The following ZBTB20 variants were observed in gnomAD, a reference collection of about 807,000 sequenced individuals.
ZBTB20 encodes the protein zinc finger and BTB domain-containing protein 20.
In ZBTB20, 9 loss-of-function variants were observed where a neutral mutation model predicts 56.9. The observed-to-expected ratio is 0.16, with a 90% CI of 0.10 to 0.28. The LOEUF is 0.28. Ranked by LOEUF, ZBTB20 falls within the 10% of genes least tolerant of loss-of-function variation. ZBTB20 has a pLI of 1.00. For synonymous variants in ZBTB20, 417 were observed against 420.7 expected, an observed-to-expected ratio of 0.99 and a Z score of 0.11; for missense variants, 655 against 1,003.0, an observed-to-expected ratio of 0.65 and a Z score of 4.69.
At chr3:114,697,438 A>G (rs1032265305) in intron 5 of ZBTB20, among the ~76,000 whole-genome samples, 1 of 152,068 alleles carries the variant, frequency 6.6e-6, no homozygotes, top group African/African-American at 2.4e-5. Flanking sequence ...ATTTTGCTGC[A>G]GCCTAGGGCA....
chr3:114,718,817 T>C (rs781039870), intron 5 of ZBTB20, among the ~76,000 whole-genome samples: 12 of 152,042 alleles, frequency 7.9e-5, no homozygotes, highest in Non-Finnish European at 2.9e-5. Context: ...AACCAAGGTT[T>C]TTCTTTTATC....
At chr3:115,015,142 T>C (rs2079893257) in intron 2 of ZBTB20, among the ~76,000 whole-genome samples, 1 of 151,792 alleles carries the variant, frequency 6.6e-6, no homozygotes, top group Admixed American at 6.6e-5. Context: ...ATCATTTTAA[T>C]GTAAGTTTGA....
chr3:114,388,924 T>C (rs2085482888), intron 8 of ZBTB20, 81 bp downstream of exon 8: 1 of 152,138 alleles, frequency 6.6e-6, no homozygotes, highest in South Asian at 2.1e-4. Context: ...TTTTGCCTGC[T>C]TTCACAATTT....
intron 7 of ZBTB20, among the ~76,000 whole-genome samples, chr3:114,407,659 C>G (rs2108747564): frequency 6.6e-6 from 1 of 152,246 alleles, no homozygotes; most frequent in South Asian, 2.1e-4. Context: ...TCTGGCCTGA[C>G]TAGACACTGG....
intron 6 of ZBTB20, among the ~76,000 whole-genome samples, chr3:114,666,479 C>G (rs1157319371): frequency 6.6e-6 from 1 of 151,990 alleles, no homozygotes; most frequent in African/African-American, 2.4e-5. Flanking sequence ...TGTATGCAGA[C>G]AGAAAGAAGT....
chr3:115,008,567 T>G (rs1412580413), intron 2 of ZBTB20, among the ~76,000 whole-genome samples: 1 of 151,920 alleles, frequency 6.6e-6, no homozygotes, highest in Non-Finnish European at 1.5e-5. Flanking sequence ...CTAAAAATTC[T>G]AAACATAATT....
chr3:114,471,273 C>G (rs1450352217), intron 7 of ZBTB20, among the ~76,000 whole-genome samples: 1 of 152,166 alleles, frequency 6.6e-6, no homozygotes, highest in African/African-American at 2.4e-5. Context: ...AATTTTTACA[C>G]TACTCCCATT....
intron 2 of ZBTB20, among the ~76,000 whole-genome samples, chr3:115,069,028 G>A (rs866721975): frequency 6.6e-6 from 1 of 152,058 alleles, no homozygotes; most frequent in Admixed American, 6.6e-5. Context: ...TTTCTACAAA[G>A]AGCACATGCT....
intron 6 of ZBTB20, among the ~76,000 whole-genome samples, chr3:114,587,655 A>G (rs2107532950): frequency 6.6e-6 from 1 of 152,350 alleles, no homozygotes; most frequent in East Asian, 1.9e-4. Context: ...TTCACACCAT[A>G]AATATGTAAG....
chr3:114,550,529 G>A (rs1214347026), intron 6 of ZBTB20, among the ~76,000 whole-genome samples: 1 of 152,174 alleles, frequency 6.6e-6, no homozygotes, highest in African/African-American at 2.4e-5. Context: ...CACTTATGAA[G>A]GAAGCCTTGA....
At chr3:115,040,011 G>A (rs2081078555) in intron 2 of ZBTB20, among the ~76,000 whole-genome samples, 1 of 152,046 alleles carries the variant, frequency 6.6e-6, no homozygotes, top group Non-Finnish European at 1.5e-5. Flanking sequence ...TGATAGATAT[G>A]TTAAGTAGCT....
At chr3:114,916,149 G>A (rs1204448297) in intron 3 of ZBTB20, among the ~76,000 whole-genome samples, 1 of 152,076 alleles carries the variant, frequency 6.6e-6, no homozygotes, top group Non-Finnish European at 1.5e-5. Flanking sequence ...AAAGTGGGAT[G>A]TTGATGTCTT....
chr3:115,130,251 T>C (rs1237298123), intron 1 of ZBTB20, among the ~76,000 whole-genome samples: 1 of 152,230 alleles, frequency 6.6e-6, no homozygotes, highest in East Asian at 1.9e-4. Context: ...ATTCTGTTAC[T>C]TTGTTGAAAT....
intron 6 of ZBTB20, among the ~76,000 whole-genome samples, chr3:114,654,369 A>T (rs1578177592): frequency 6.6e-6 from 1 of 152,040 alleles, no homozygotes; most frequent in African/African-American, 2.4e-5. Flanking sequence ...AAATTTCATG[A>T]CTTTCAACCA....
chr3:114,588,825 T>C (rs1289379450), intron 6 of ZBTB20, among the ~76,000 whole-genome samples: 3 of 152,184 alleles, frequency 2.0e-5, no homozygotes, highest in African/African-American at 4.8e-5. Flanking sequence ...TCTGTTCTCA[T>C]GCTGCTATGA....
Position 114,350,639 on chromosome 3 carries a change from G to C in ZBTB20, c.1439C>G (p.Thr480Arg). 1 of 1,614,234 alleles carries C rather than the reference G, an allele frequency of 6.2e-7. No individual in the cohort carries two copies. Among genetic ancestry groups the C allele is most frequent in the Non-Finnish European group, 8.5e-7 (1 of 1,180,040 alleles). ...CCTCAGGTTGCTGGTGAGGGTTTCT[G>C]TCTGGCGTAAGTAGAGCTGGGTACT... is the stretch of plus-strand genomic sequence containing the variant. ...LPSTQLYLRQTETLTSNLRMP... is the reference protein window; with the variant it reads ...LPSTQLYLRQRETLTSNLRMP... Residue 480 changes from threonine (T) to arginine (R), a missense_variant, in exon 11 of 12, where the codon ACA (threonine) becomes AGA (arginine). Transcript: ENST00000675478.
intron 10 of ZBTB20, among the ~76,000 whole-genome samples, chr3:114,368,572 T>C (rs900916133): frequency 6.6e-6 from 1 of 152,250 alleles, no homozygotes; most frequent in African/African-American, 2.4e-5. Flanking sequence ...TTTTTCCTTC[T>C]GTTAGTTCTC....
chr3:114,508,451 C>T (rs2044914527), intron 6 of ZBTB20, among the ~76,000 whole-genome samples: 1 of 152,078 alleles, frequency 6.6e-6, no homozygotes, highest in African/African-American at 2.4e-5. Context: ...ATCTATGGCC[C>T]AGATTTGGAC....
intron 1 of ZBTB20, among the ~76,000 whole-genome samples, chr3:115,141,891 T>C (rs1307450625): frequency 6.6e-6 from 1 of 152,198 alleles, no homozygotes; most frequent in Non-Finnish European, 1.5e-5. Flanking sequence ...CTATAAAAAC[T>C]TGATAGATGT....
Sources: allele counts gnomAD v4.1 joint callset (sites outside exome capture counted in the v4.1 genomes callset), GRCh38; gene constraint gnomAD v4.1.1; transcripts MANE v1.5; gene names NCBI Gene and HGNC (gene_info 2026-07-23, HGNC 2026-07-21).